PPP1R37: variants seen among roughly 807,000 people sequenced by gnomAD.
PPP1R37 encodes the protein leucine rich repeat containing 68.
A neutral mutation model predicts 61.0 loss-of-function variants in PPP1R37; 21 were observed. That is an observed-to-expected ratio of 0.34 (90% CI 0.24 to 0.50). PPP1R37 has a LOEUF of 0.50. Ranked by LOEUF, PPP1R37 falls within the 20% of genes least tolerant of loss-of-function variation. PPP1R37 has a pLI of 0.98. For missense variants in PPP1R37, 910 were observed against 952.7 expected (o/e 0.96, Z 0.59); for synonymous variants, 443 against 433.5 (o/e 1.02, Z -0.27).
intron 1 of PPP1R37, among the ~76,000 whole-genome samples, chr19:45,105,150 G>A (rs1193008228): frequency 6.6e-6 from 1 of 152,166 alleles, no homozygotes; most frequent in African/African-American, 2.4e-5. Flanking sequence ...ATGCAATGCT[G>A]GGTCTTAGTC....
Position 45,130,975 on chromosome 19 carries a change from G to A in PPP1R37, c.203-7539G>A, listed in dbSNP as rs1968469546. ...TTCCTGGTGTTTTGACTCCCACTTG[G>A]ATGACTGTGTCTGTTTCCCCCGCCC... On this transcript the variant is annotated intron_variant, in intron 1 of 12. Transcript: ENST00000221462. This position sits in a 1 kb window ranked among gnomAD's most constrained non-coding sequence, Gnocchi z 4.4. Among the ~76,000 whole-genome samples the A allele has an allele frequency of 1.3e-5, 2 of 152,064 alleles. No homozygotes were observed. Among genetic ancestry groups the A allele is most frequent in the African/African-American group, 4.8e-5 (2 of 41,404 alleles).
At chr19:45,138,396 T>G in intron 1 of PPP1R37, 118 bp from the exon 2 acceptor site, 1 of 671,644 alleles carries the variant, frequency 1.5e-6, no homozygotes, top group Non-Finnish European at 2.5e-6. Flanking sequence ...GGCAGCCTGT[T>G]GTTGGGGGAG....
chr19:45,105,383 G>A (rs1181115526), intron 1 of PPP1R37, among the ~76,000 whole-genome samples: 1 of 152,120 alleles, frequency 6.6e-6, no homozygotes, highest in East Asian at 1.9e-4. Flanking sequence ...CCTCTCTGTG[G>A]GGCAGGATGG....
At chr19:45,128,783 C>T in intron 1 of PPP1R37, 1 of 635,554 alleles carries the variant, frequency 1.6e-6, no homozygotes, top group South Asian at 1.7e-5. Context: ...ATAAAAATAA[C>T]TGCCTGTCAC....
At chr19:45,144,599 G>T (rs936869085) in intron 8 of PPP1R37, 1 of 497,196 alleles carries the variant, frequency 2.0e-6, no homozygotes. Flanking sequence ...CCCAGGCTGT[G>T]GGGGGTAGGG....
chr19:45,134,561 CT>C (rs762221707), intron 1 of PPP1R37, among the ~76,000 whole-genome samples: 141 of 142,382 alleles, frequency 9.9e-4, no homozygotes, highest in Middle Eastern at 3.6e-3. Context: ...GTGCTCATTC[CT>C]TTTTTTTTTT....
chr19:45,120,576 G>C (rs573471722), intron 1 of PPP1R37, among the ~76,000 whole-genome samples: 3 of 152,132 alleles, frequency 2.0e-5, no homozygotes, highest in Admixed American at 1.3e-4. Context: ...ATCTTTGCAA[G>C]TATGTCTGTA....
At chr19:45,096,295 CAG>C (rs1264267325) in intron 1 of PPP1R37, among the ~76,000 whole-genome samples, 3 of 151,862 alleles carry the variant, frequency 2.0e-5, no homozygotes, top group Non-Finnish European at 4.4e-5. Context: ...GCTGAAGGGT[CAG>C]GGGTGAGGGC....
chr19:45,104,388 C>T (rs1429982151), intron 1 of PPP1R37, among the ~76,000 whole-genome samples: 1 of 152,186 alleles, frequency 6.6e-6, no homozygotes, highest in Non-Finnish European at 1.5e-5. Context: ...AGCACCCAGG[C>T]CGGGTGCCGC....
At chr19:45,139,636 C>T (rs1274870151) in intron 2 of PPP1R37, among the ~76,000 whole-genome samples, 1 of 152,234 alleles carries the variant, frequency 6.6e-6, no homozygotes, top group Middle Eastern at 3.2e-3. Flanking sequence ...TTCTCTGGAA[C>T]ATTCCAGAAG....
intron 1 of PPP1R37, among the ~76,000 whole-genome samples, chr19:45,104,831 A>G (rs962186188): frequency 1.3e-5 from 2 of 151,988 alleles, no homozygotes; most frequent in African/African-American, 4.8e-5. Context: ...TTTCAGTCCT[A>G]GAACACGCAG....
chr19:45,141,381 C>G lies in PPP1R37; in HGVS notation c.507C>G (p.Ile169Met), dbSNP rs558472814. The G allele has an allele frequency of 2.0e-4, 305 of 1,536,092 alleles. No individual in the cohort carries two copies. The highest frequency in any genetic ancestry group is 2.5e-4 in the Non-Finnish European group (292 of 1,146,862). Residue 169 changes from isoleucine (I) to methionine (M), a missense_variant, in exon 5 of 13, where the codon ATC becomes ATG. Physicochemically the swap from Ile to Met is conservative, Grantham distance 10. Coordinates refer to ENST00000221462, the MANE Select transcript of PPP1R37 (RefSeq NM_019121.2). ...EYYESATHLN[I>M]SFNKHIGTRG... ...ACGAGTCGGCCACCCACCTCAACAT[C>G]TCCTTCAACAAGCACATCGGCACCC... is the stretch of plus-strand genomic sequence containing the variant.
At chr19:45,097,612 G>A (rs892614312) in intron 1 of PPP1R37, among the ~76,000 whole-genome samples, 1 of 152,034 alleles carries the variant, frequency 6.6e-6, no homozygotes, top group African/African-American at 2.4e-5. Context: ...GAGGGGGATT[G>A]TGAGGGAGGG....
chr19:45,119,242 C>A (rs1393097818), intron 1 of PPP1R37, among the ~76,000 whole-genome samples: 1 of 152,004 alleles, frequency 6.6e-6, no homozygotes, highest in Non-Finnish European at 1.5e-5. Flanking sequence ...GCAGCCTCTG[C>A]TTCCCAGGTT....
chr19:45,107,660 A>G (rs577371555), intron 1 of PPP1R37, among the ~76,000 whole-genome samples: 1 of 152,330 alleles, frequency 6.6e-6, no homozygotes, highest in East Asian at 1.9e-4. Context: ...TGAGAGTTCT[A>G]TATACGTGTA....
intron 2 of PPP1R37, 94 bp downstream of exon 2, chr19:45,138,705 A>C: frequency 1.3e-6 from 1 of 745,100 alleles, no homozygotes; most frequent in African/African-American, 1.7e-5. Context: ...CCCACTCCCC[A>C]GCCCCAGGTG....
intron 1 of PPP1R37, among the ~76,000 whole-genome samples, chr19:45,095,237 A>G (rs1186742123): frequency 6.6e-6 from 1 of 152,062 alleles, no homozygotes; most frequent in East Asian, 1.9e-4. Flanking sequence ...GCCCAGGCCA[A>G]TTCTCCTGCC....
At chr19:45,116,300 C>T (rs534924341) in intron 1 of PPP1R37, among the ~76,000 whole-genome samples, 13 of 152,340 alleles carry the variant, frequency 8.5e-5, no homozygotes, top group African/African-American at 3.1e-4. Context: ...CTGCCATCTG[C>T]GCCCTTCACT....
chr19:45,110,515 C>T (rs963806672), intron 1 of PPP1R37, among the ~76,000 whole-genome samples: 4 of 152,166 alleles, frequency 2.6e-5, no homozygotes, highest in East Asian at 3.8e-4. Context: ...TTTGTATCCC[C>T]TGTGTTTTCC....
Sources: allele counts gnomAD v4.1 joint callset (sites outside exome capture counted in the v4.1 genomes callset), GRCh38; gene constraint gnomAD v4.1.1; non-coding constraint Gnocchi (gnomAD v3.1); transcripts MANE v1.5; gene names NCBI Gene and HGNC (gene_info 2026-07-23, HGNC 2026-07-21).